Variants in AHCY observed in about 807,000 individuals in gnomAD.
The protein encoded by AHCY is S-adenosyl-L-homocysteine hydrolase.
A neutral mutation model predicts 45.4 loss-of-function variants in AHCY; 24 were observed. The ratio of observed to expected loss-of-function variants is 0.53; its 90% CI spans 0.38 to 0.74. AHCY has a LOEUF of 0.74. Ranked by LOEUF, AHCY falls within the 30% of genes least tolerant of loss-of-function variation. AHCY has a pLI of 0.00. For missense variants in AHCY, 449 were observed against 594.1 expected (o/e 0.76, Z 2.54); for synonymous variants, 245 against 235.1 (o/e 1.04, Z -0.39).
downstream of AHCY, among the ~76,000 whole-genome samples, chr20:34,275,970 T>A (rs983416720): frequency 5.3e-5 from 8 of 152,048 alleles, no homozygotes; most frequent in African/African-American, 1.9e-4. Context: ...GGATTACAGG[T>A]GTGAGCTGCT....
chr20:34,280,305 CTTTCT>C lies in AHCY; in HGVS notation c.*724_*728del, dbSNP rs2035959778. 1 of 152,228 alleles carries C rather than the reference CTTTCT, an allele frequency of 6.6e-6. No homozygotes were observed. The highest frequency in any genetic ancestry group is 1.5e-5 in the Non-Finnish European group (1 of 68,090). The allele number at this position is 152,228 out of a possible 1,614,324, so 9.4% of individuals were successfully genotyped here. ...AGATTTTTATTTACCCACCTTCCTG[CTTTCT>C]TTTAACATTATAGGCCAAATTATTC... On this transcript the variant is annotated 3_prime_UTR_variant, in exon 10 of 10. Transcript: ENST00000217426.
chr20:34,271,477 G>C, the AHCY span, among the ~76,000 whole-genome samples: 1 of 151,834 alleles, frequency 6.6e-6, no homozygotes, highest in Non-Finnish European at 1.5e-5. Context: ...TACCTTTGTG[G>C]CCACTGATTG....
intron 1 of AHCY, chr20:34,302,785 TCTC>T (rs1160496919): frequency 6.0e-6 from 6 of 997,564 alleles, no homozygotes; most frequent in African/African-American, 1.7e-5. Flanking sequence ...TTTCCAGGCC[TCTC>T]CTCATACACC....
At chr20:34,237,517 G>A in the AHCY span, among the ~76,000 whole-genome samples, 1 of 152,010 alleles carries the variant, frequency 6.6e-6, no homozygotes, top group South Asian at 2.1e-4. Flanking sequence ...CTGCTACTTT[G>A]CTAAACTGAT....
the AHCY span, among the ~76,000 whole-genome samples, chr20:34,272,010 T>C: frequency 6.7e-6 from 1 of 150,210 alleles, no homozygotes; most frequent in African/African-American, 2.4e-5. Context: ...TGGGGAGACT[T>C]GGGGACCTCA....
At chr20:34,298,605 C>CG (rs1469112892) in intron 1 of AHCY, among the ~76,000 whole-genome samples, 1,533 of 30,526 alleles carry the variant, frequency 0.05, 95 homozygotes, top group South Asian at 0.18. Context: ...GTGGCGGCGG[C>CG]GGGAGGGGGG....
the AHCY span, among the ~76,000 whole-genome samples, chr20:34,258,695 A>ATATATATATATATATATATATATATAT: frequency 6.4e-5 from 1 of 15,548 alleles, no homozygotes; most frequent in Non-Finnish European, 1.5e-4. Flanking sequence ...ATATATACAT[A>ATATATATATATATATATATATATATAT]CTATATATAT....
chr20:34,260,477 A>G, the AHCY span: 5 of 1,614,094 alleles, frequency 3.1e-6, no homozygotes, highest in Non-Finnish European at 4.2e-6. Context: ...AGATGACAGG[A>G]GCCTGAGAAG....
chr20:34,260,484 G>A, the AHCY span: 1 of 1,613,978 alleles, frequency 6.2e-7, no homozygotes. Flanking sequence ...AGGAGCCTGA[G>A]AAGCAACTCC....
At chr20:34,287,372 TTTTTA>T (rs1182275478) in intron 8 of AHCY, among the ~76,000 whole-genome samples, 2 of 145,338 alleles carry the variant, frequency 1.4e-5, no homozygotes, top group Non-Finnish European at 3.0e-5. Flanking sequence ...GGGGGTCTCT[TTTTTA>T]TTTTATTAAT....
At position 34,300,289 on chromosome 20, in the gene AHCY, C is replaced by G. The variant is rs184638074; in HGVS notation, c.28+2954G>C. Among the ~76,000 whole-genome samples, 9 of 152,330 alleles carry G rather than the reference C, an allele frequency of 5.9e-5. No homozygotes were observed. In the East Asian group the frequency reaches 1.2e-3, roughly 20 times the overall value. ...AACATGCCATTCTCCCCACAGCAGC[C>G]AGAAGAGGGAGGCTCTTAAAAATTT... is the stretch of plus-strand genomic sequence containing the variant. On this transcript the variant is annotated intron_variant, in intron 1 of 9. Coordinates refer to ENST00000217426, the MANE Select transcript of AHCY (RefSeq NM_000687.4).
At chr20:34,247,802 G>A in the AHCY span, among the ~76,000 whole-genome samples, 1 of 151,984 alleles carries the variant, frequency 6.6e-6, no homozygotes, top group Non-Finnish European at 1.5e-5. Context: ...TTGCCGTGTT[G>A]CCCAGGCTGG....
At chr20:34,260,553 G>C in the AHCY span, 6 of 1,592,776 alleles carry the variant, frequency 3.8e-6, no homozygotes, top group Non-Finnish European at 5.1e-6. Flanking sequence ...CCTAGCCTCT[G>C]GGCTCTGGCC....
chr20:34,256,369 CTT>C, the AHCY span, among the ~76,000 whole-genome samples: 2 of 152,320 alleles, frequency 1.3e-5, no homozygotes, highest in African/African-American at 2.4e-5. Context: ...TATTCTGTCT[CTT>C]TGTCTTGTGT....
At chr20:34,246,686 G>C in the AHCY span, 1 of 465,910 alleles carries the variant, frequency 2.1e-6, no homozygotes, top group South Asian at 2.0e-5. Context: ...TTGAACTCCT[G>C]ACCTCAAGTG....
chr20:34,252,979 G>T, the AHCY span, among the ~76,000 whole-genome samples: 1 of 152,212 alleles, frequency 6.6e-6, no homozygotes, highest in African/African-American at 2.4e-5. Context: ...TGAGCACAGG[G>T]TTGGGACTAA....
the AHCY span, chr20:34,269,206 G>T: frequency 1.2e-5 from 17 of 1,448,678 alleles, no homozygotes; most frequent in Middle Eastern, 7.4e-4. Context: ...AGGGCTTCGG[G>T]GACGCGGGGC....
In AHCY at chr20:34,303,241, A is replaced by C. The variant is rs2036843895; in HGVS notation, c.28+2T>G. ...CAACCGGCTGCAGGTCCTGGGACTC[A>C]CCGACTTTGTAGGGCAGTTTGTCAG... On this transcript the variant is annotated splice_donor_variant, in intron 1 of 9. Coordinates refer to ENST00000217426, the MANE Select transcript of AHCY (RefSeq NM_000687.4). LOFTEE classifies it high-confidence loss of function. 6.4e-7 allele frequency: 1 copy of C among 1,551,414 alleles called. No homozygotes were observed. The highest frequency in any genetic ancestry group is 8.7e-7 in the Non-Finnish European group (1 of 1,146,910).
At chr20:34,310,155 G>A (rs2122854369) in intron 1 of AHCY, among the ~76,000 whole-genome samples, 1 of 152,210 alleles carries the variant, frequency 6.6e-6, no homozygotes, top group South Asian at 2.1e-4. Context: ...CCAGGTTCAA[G>A]CGATTCTCCT....
Sources: allele counts gnomAD v4.1 joint callset (sites outside exome capture counted in the v4.1 genomes callset), GRCh38; gene constraint gnomAD v4.1.1; transcripts MANE v1.5; gene names NCBI Gene and HGNC (gene_info 2026-07-23, HGNC 2026-07-21).